Variants in PALLD observed in about 807,000 individuals in gnomAD.
The protein encoded by PALLD is palladin, cytoskeletal associated protein, also known as palladin.
In PALLD, 61 loss-of-function variants were observed where a neutral mutation model predicts 123.5. The observed-to-expected ratio is 0.49, with a 90% CI of 0.40 to 0.61. The LOEUF is 0.61. Ranked by LOEUF, PALLD falls within the 20% of genes least tolerant of loss-of-function variation. The pLI, the probability that PALLD is intolerant of heterozygous loss-of-function variation, is 0.00. For missense variants in PALLD, 1,273 were observed against 1,377.0 expected (o/e 0.92, Z 1.20); for synonymous variants, 465 against 496.4 (o/e 0.94, Z 0.84).
chr4:168,784,427 T>G (rs1581452391), intron 10 of PALLD, among the ~76,000 whole-genome samples: 1 of 151,898 alleles, frequency 6.6e-6, no homozygotes, highest in African/African-American at 2.4e-5. Context: ...GGAAGCCACG[T>G]GGGAGAATTA....
rs529388149 is a variant in PALLD, at chr4:168,614,812, T to C, written c.909-53378T>C. The stretch of plus-strand genomic sequence containing the variant: ...AAGACTTCTCTTCTTTCCAAAAGCA[T>C]GCGTTCCTCCCCAGTCCTGCACGGT... On this transcript the variant is annotated intron_variant, in intron 2 of 21. Transcript: ENST00000505667. Among the ~76,000 whole-genome samples, 57 of 152,306 alleles carry C rather than the reference T, an allele frequency of 3.7e-4. No individual in the cohort carries two copies. The South Asian group carries it at 0.012, about 31-fold the overall frequency.
At chr4:168,719,003 G>A (rs992438884) in intron 10 of PALLD, among the ~76,000 whole-genome samples, 3 of 151,570 alleles carry the variant, frequency 2.0e-5, no homozygotes, top group African/African-American at 7.3e-5. Context: ...CGCCTCCTGG[G>A]TTCAAGTAAT....
chr4:168,563,747 G>A (rs1295371135), intron 2 of PALLD, among the ~76,000 whole-genome samples: 6 of 152,138 alleles, frequency 3.9e-5, no homozygotes, highest in Non-Finnish European at 7.3e-5. Context: ...CCAAGAACAG[G>A]TAGTTCTCCA....
intron 10 of PALLD, among the ~76,000 whole-genome samples, chr4:168,792,527 C>T (rs904420368): frequency 6.6e-6 from 1 of 151,992 alleles, no homozygotes; most frequent in Non-Finnish European, 1.5e-5. Flanking sequence ...CCTGAGTCCT[C>T]TCCACTCCAA....
chr4:168,689,579 C>T (rs1292844558), intron 6 of PALLD, among the ~76,000 whole-genome samples: 4 of 150,624 alleles, frequency 2.7e-5, no homozygotes, highest in Non-Finnish European at 5.9e-5. Flanking sequence ...TCCTCGGTAG[C>T]TGGGATTACA....
chr4:168,774,623 G>A (rs1301547068), intron 10 of PALLD, among the ~76,000 whole-genome samples: 1 of 151,030 alleles, frequency 6.6e-6, no homozygotes, highest in African/African-American at 2.4e-5. Flanking sequence ...AGCTACTTGA[G>A]GCACTAAGGC....
chr4:168,794,506 G>GCACACACACACA (rs57496563), intron 10 of PALLD, among the ~76,000 whole-genome samples: 14 of 143,952 alleles, frequency 9.7e-5, no homozygotes, highest in South Asian at 2.3e-4. Context: ...ACACACACAC[G>GCACACACACACA]CACACACACA....
At chr4:168,688,463 G>A (rs980279536) in intron 6 of PALLD, among the ~76,000 whole-genome samples, 1 of 152,186 alleles carries the variant, frequency 6.6e-6, no homozygotes, top group African/African-American at 2.4e-5. Context: ...ACAATGTCAG[G>A]TGGACTTGAT....
intron 2 of PALLD, among the ~76,000 whole-genome samples, chr4:168,517,242 C>G (rs919261784): frequency 1.3e-5 from 2 of 152,124 alleles, no homozygotes; most frequent in Non-Finnish European, 2.9e-5. Flanking sequence ...CCAAACACAT[C>G]TTTATATTAT....
At chr4:168,810,954 G>A (rs1183388945) in intron 10 of PALLD, among the ~76,000 whole-genome samples, 1 of 152,190 alleles carries the variant, frequency 6.6e-6, no homozygotes, top group Non-Finnish European at 1.5e-5. Flanking sequence ...TATTTCAAGG[G>A]AATGGAAATA....
chr4:168,761,641 G>GTTTTTTT (rs1230404942), intron 10 of PALLD, among the ~76,000 whole-genome samples: 8 of 11,640 alleles, frequency 6.9e-4, no homozygotes, highest in East Asian at 6.8e-3. Flanking sequence ...TGTTGTTGTT[G>GTTTTTTT]TTTGTTTTTT....
chr4:168,822,161 C>T (rs1484955652), intron 10 of PALLD, among the ~76,000 whole-genome samples: 1 of 152,192 alleles, frequency 6.6e-6, no homozygotes, highest in Non-Finnish European at 1.5e-5. Context: ...GGACTCAGGA[C>T]CTGATGAGGT....
At position 168,828,798 on chromosome 4, in the gene PALLD, G is replaced by A. The variant is rs1042734629; in HGVS notation, c.1965-62124G>A. 3 of 152,374 alleles carry A rather than the reference G, an allele frequency of 2.0e-5. No individual in the cohort carries two copies. In the East Asian group the frequency reaches 5.8e-4, roughly 29 times the overall value. The allele number at this position is 152,374 out of a possible 1,614,324, so 9.4% of individuals were successfully genotyped here. A position where few individuals can be genotyped will look rare whatever the true frequency, so the allele number is the denominator to read the frequency against. On this transcript the variant is annotated intron_variant, in intron 10 of 21. Transcript: ENST00000505667. ...GCCAAAGCCTGTGAAGGTAAAGCCA[G>A]AGATGCACGGCCTAAAGCAGAGACT...
At chr4:168,528,605 C>T (rs780248982) in intron 2 of PALLD, among the ~76,000 whole-genome samples, 4 of 143,284 alleles carry the variant, frequency 2.8e-5, no homozygotes, top group African/African-American at 8.2e-5. Context: ...AAAACTGAGA[C>T]TCAGAGAGGT....
chr4:168,911,339 G>C (rs1342628353), intron 15 of PALLD, among the ~76,000 whole-genome samples: 1 of 152,136 alleles, frequency 6.6e-6, no homozygotes, highest in Non-Finnish European at 1.5e-5. Context: ...CCGCATAAAT[G>C]ATTAGTTCAT....
intron 10 of PALLD, among the ~76,000 whole-genome samples, chr4:168,886,854 C>T (rs930160645): frequency 1.3e-5 from 2 of 152,068 alleles, no homozygotes; most frequent in African/African-American, 4.8e-5. Flanking sequence ...TATGGTGGCT[C>T]ATGCCTGTAA....
chr4:168,813,669 A>C (rs986553577), intron 10 of PALLD, among the ~76,000 whole-genome samples: 18 of 152,180 alleles, frequency 1.2e-4, no homozygotes, highest in African/African-American at 4.3e-4. Flanking sequence ...TGTGTTGCCC[A>C]GACTGGTCTT....
Position 168,628,626 on chromosome 4 carries a change from C to T in PALLD, c.909-39564C>T, listed in dbSNP as rs1001289431. 3.3e-5 allele frequency among the ~76,000 whole-genome samples: 5 copies of T among 152,266 alleles called. 1 individual carries two copies. The highest frequency in any genetic ancestry group is 4.8e-5 in the African/African-American group (2 of 41,572). Reference sequence around the variant, plus strand: ...TACCATGATCAAGTCTTTGCTCACACGTCACTGTCTCAAGAAAGCTGCCCC... The same window carrying T: ...TACCATGATCAAGTCTTTGCTCACATGTCACTGTCTCAAGAAAGCTGCCCC... On this transcript the variant is annotated intron_variant, in intron 2 of 21. Transcript: ENST00000505667.
chr4:168,894,953 A>G (rs1754792970), intron 12 of PALLD, among the ~76,000 whole-genome samples: 1 of 152,112 alleles, frequency 6.6e-6, no homozygotes, highest in African/African-American at 2.4e-5. Context: ...TTCCTATCCT[A>G]AGTTTTATGC....
Sources: allele counts gnomAD v4.1 joint callset (sites outside exome capture counted in the v4.1 genomes callset), GRCh38; gene constraint gnomAD v4.1.1; transcripts MANE v1.5; gene names NCBI Gene and HGNC (gene_info 2026-07-23, HGNC 2026-07-21).